Variants in LPO observed in about 807,000 individuals in gnomAD.
LPO encodes salivary peroxidase.
Under a neutral mutation model 68.4 loss-of-function variants are expected in LPO, and 70 were observed. That is an observed-to-expected ratio of 1.02 (90% CI 0.84 to 1.25). The LOEUF (loss-of-function observed/expected upper bound fraction) is 1.25. Ranked by LOEUF, LPO falls within the 50% of genes most tolerant of loss-of-function variation. The pLI is 0.00. For missense variants in LPO, 873 were observed against 908.4 expected (o/e 0.96, Z 0.50); for synonymous variants, 360 against 357.6 (o/e 1.01, Z -0.08).
chr17:58,253,968 A>G (rs1970012218), intron 8 of LPO, among the ~76,000 whole-genome samples: 1 of 152,048 alleles, frequency 6.6e-6, no homozygotes, highest in Non-Finnish European at 1.5e-5. Flanking sequence ...AAAAACTAGC[A>G]ACACATGGTG....
intron 7 of LPO, 59 bp from the exon 8 acceptor site, chr17:58,252,123 G>A (rs1382000284): frequency 5.9e-6 from 9 of 1,530,764 alleles, no homozygotes; most frequent in Admixed American, 5.1e-5. Flanking sequence ...CTGGGGAGAG[G>A]TTGCCAGGAC....
In LPO at chr17:58,249,704, A is replaced by G. The variant is rs547768460; in HGVS notation, c.573+9A>G. ...GCTTCCCTCTCCCGCTGGTGAGGGCAGGCCGGGCCGGGGTGAAGGATGGGA... is the reference window on the plus strand; with the variant it reads ...GCTTCCCTCTCCCGCTGGTGAGGGCGGGCCGGGCCGGGGTGAAGGATGGGA... On this transcript the variant is annotated intron_variant, in intron 6 of 12. Coordinates refer to ENST00000262290, the MANE Select transcript of LPO (RefSeq NM_006151.3). The G allele has an allele frequency of 1.3e-6, 2 of 1,554,066 alleles. No individual in the cohort carries two copies. The highest frequency in any genetic ancestry group is 2.3e-5 in the East Asian group (1 of 42,894).
chr17:58,241,613 G>A (rs1282484509), intron 1 of LPO, among the ~76,000 whole-genome samples: 3 of 152,154 alleles, frequency 2.0e-5, no homozygotes, highest in East Asian at 1.9e-4. Flanking sequence ...AAGGACAAGA[G>A]CCCACTGAGA....
chr17:58,258,955 C>T (rs886275763), intron 9 of LPO, among the ~76,000 whole-genome samples: 3 of 151,860 alleles, frequency 2.0e-5, no homozygotes, highest in Non-Finnish European at 2.9e-5. Context: ...GAGTTCTTTA[C>T]GTATTCTAGA....
At chr17:58,241,138 T>C (rs112815680) in intron 1 of LPO, among the ~76,000 whole-genome samples, 2 of 141,308 alleles carry the variant, frequency 1.4e-5, no homozygotes, top group Non-Finnish European at 3.1e-5. Flanking sequence ...TTTTTTTTTT[T>C]TTTTTTTTTT....
In LPO at chr17:58,254,152, T is replaced by TAG. The variant is rs1970020743; in HGVS notation, c.1106-658_1106-657insGA. On this transcript the variant is annotated intron_variant, in intron 8 of 12. Coordinates refer to ENST00000262290, the MANE Select transcript of LPO (RefSeq NM_006151.3). The stretch of plus-strand genomic sequence containing the variant: ...TGATAGATATATAGATATATAGATA[T>TAG]ATAGATAGATAGATAGATAGATAGA... 8.8e-3 allele frequency among the ~76,000 whole-genome samples: 1,167 copies of TAG among 133,368 alleles called. 6 individuals are homozygous for TAG. Among genetic ancestry groups the TAG allele is most frequent in the African/African-American group, 0.018 (593 of 33,742 alleles). The allele number at this position is 133,368 out of a possible 152,430, so 87.5% of individuals were successfully genotyped here.
chr17:58,266,047 C>A, intron 10 of LPO, 106 bp from the exon 11 acceptor site: 1 of 1,106,230 alleles, frequency 9.0e-7, no homozygotes, highest in South Asian at 1.5e-5. Context: ...TCCAGGTGAC[C>A]CACATTCAAC....
rs530151757 is a variant in LPO, at chr17:58,239,365, G to A, written c.-3+626G>A. Among the ~76,000 whole-genome samples, 4 of 151,418 alleles carry A rather than the reference G, an allele frequency of 2.6e-5. No individual in the cohort carries two copies. The South Asian group carries it at 8.5e-4, about 32-fold the overall frequency. On this transcript the variant is annotated intron_variant, in intron 1 of 12. Transcript: ENST00000262290. ...GACCTGTATGCAGCGGTAGTAGGCA[G>A]GCTTCATTTTGGGGGAATGGGGTGG...
chr17:58,256,739 A>G (rs904982462), intron 9 of LPO, among the ~76,000 whole-genome samples: 1 of 151,354 alleles, frequency 6.6e-6, no homozygotes, highest in Non-Finnish European at 1.5e-5. Flanking sequence ...GCTTGAACCC[A>G]GGAGGTGGAG....
At chr17:58,253,636 C>T (rs1344630613) in intron 8 of LPO, among the ~76,000 whole-genome samples, 3 of 152,214 alleles carry the variant, frequency 2.0e-5, no homozygotes, top group Non-Finnish European at 2.9e-5. Flanking sequence ...AACATCCTCT[C>T]TCTTTGGACA....
At position 58,267,403 on chromosome 17, in the gene LPO, A is replaced by G; in HGVS notation, c.1748A>G (p.Glu583Gly). The change falls in exon 12 of 13, where the codon GAG (glutamate) becomes GGG (glycine). Residue 583 changes from glutamate (E) to glycine (G), a missense_variant. Coordinates refer to ENST00000262290, the MANE Select transcript of LPO (RefSeq NM_006151.3). ...CTCTCACAGCCGCAGACACTAGAGG[A>G]GTTGAACACAGTGCTGAAGAGCAAG... is the stretch of plus-strand genomic sequence containing the variant. ...CDLSQPQTLEELNTVLKSKML... is the reference protein window; with the variant it reads ...CDLSQPQTLEGLNTVLKSKML... 1 of 1,614,244 alleles carries G rather than the reference A, an allele frequency of 6.2e-7. No homozygotes were observed. The highest frequency in any genetic ancestry group is 8.5e-7 in the Non-Finnish European group (1 of 1,180,038).
Position 58,266,155 on chromosome 17 carries a change from G to A in LPO, c.1522G>A (p.Gly508Arg). 1 of 1,613,796 alleles carries A rather than the reference G, an allele frequency of 6.2e-7. No homozygotes were observed. Among genetic ancestry groups the A allele is most frequent in the Non-Finnish European group, 8.5e-7 (1 of 1,179,832 alleles). Residue 508 changes from glycine to arginine, a missense_variant and splice_region_variant, in exon 11 of 13, where the codon GGA (glycine) becomes AGA (arginine). Gly to Arg is a moderately radical substitution (Grantham distance 125). Coordinates refer to ENST00000262290, the MANE Select transcript of LPO (RefSeq NM_006151.3). Reference sequence around the variant, plus strand: ...GGCTTCTGGGTCTCCCTTGGCAGGTGGAATTGATCCTCTGGTGCGGGGCCT... The same window carrying A: ...GGCTTCTGGGTCTCCCTTGGCAGGTAGAATTGATCCTCTGGTGCGGGGCCT... ...FNTWRMVKDG[G>R]IDPLVRGLLA... is the part of the protein sequence containing the mutation.
At chr17:58,254,719 C>T (rs953329791) in intron 8 of LPO, 92 bp from the exon 9 acceptor site, 9 of 1,316,222 alleles carry the variant, frequency 6.8e-6, no homozygotes, top group East Asian at 2.4e-5. Flanking sequence ...GGGCGGGGCG[C>T]GGTCCTGTGG....
intron 1 of LPO, 181 bp from the exon 2 acceptor site, chr17:58,242,797 C>A (rs8178290): frequency 0.22 from 124,366 of 568,408 alleles, 14,592 homozygotes; most frequent in African/African-American, 0.28. Context: ...TTCCATCTCT[C>A]CCAGTACCTA....
intron 1 of LPO, among the ~76,000 whole-genome samples, chr17:58,240,530 TTGTATTCACC>T (rs796481542): frequency 6.6e-5 from 10 of 152,304 alleles, no homozygotes; most frequent in African/African-American, 2.2e-4. Context: ...TGACATGACC[TTGTATTCACC>T]TGGCTCTGAT....
chr17:58,251,930 A>C, intron 7 of LPO: 2 of 716,464 alleles, frequency 2.8e-6, no homozygotes, highest in Non-Finnish European at 5.2e-6. Flanking sequence ...CCTCACCAGA[A>C]ATTTGGAGCC....
At position 58,264,866 on chromosome 17, in the gene LPO, G is replaced by C; in HGVS notation, c.1411G>C (p.Val471Leu). Residue 471 changes from valine to leucine, a missense_variant, in exon 10 of 13, where the codon GTC (valine) becomes CTC (leucine). Val to Leu is a conservative substitution (Grantham distance 32). Coordinates refer to ENST00000262290, the MANE Select transcript of LPO (RefSeq NM_006151.3). ...TFAFRFGHLE[V>L]PSSMFRLDEN... is the part of the protein sequence containing the mutation. ...CGCCTTCCGCTTTGGCCACTTGGAG[G>C]TCCCCTCTAGTATGTTCCGCCTGGA... The C allele has an allele frequency of 1.9e-6, 3 of 1,614,180 alleles. No individual in the cohort carries two copies. The highest frequency in any genetic ancestry group is 2.5e-6 in the Non-Finnish European group (3 of 1,180,048).
At chr17:58,265,966 T>A (rs1970255417) in intron 10 of LPO, among the ~76,000 whole-genome samples, 187 bp from the exon 11 acceptor site, 3 of 152,140 alleles carry the variant, frequency 2.0e-5, no homozygotes, top group Non-Finnish European at 4.4e-5. Flanking sequence ...ACAATCTGGA[T>A]GCCCCTGTCT....
intron 7 of LPO, chr17:58,251,772 G>A: frequency 2.1e-6 from 1 of 479,720 alleles, no homozygotes; most frequent in Non-Finnish European, 4.2e-6. Flanking sequence ...GGGTTTTTTT[G>A]AGGACTGAGA....
Sources: gnomAD v4.1 joint callset for allele counts (sites outside exome capture counted in the v4.1 genomes callset) on GRCh38, gnomAD v4.1.1 for gene constraint, MANE v1.5 for transcripts, NCBI Gene and HGNC (gene_info 2026-07-23, HGNC 2026-07-21) for gene names.